ADARB2: variants seen among roughly 807,000 people sequenced by gnomAD.
ADARB2 encodes the protein inactive double-stranded RNA-specific editase B2.
In ADARB2, 25 loss-of-function variants were observed where a neutral mutation model predicts 62.2. The ratio of observed to expected loss-of-function variants is 0.40; its 90% confidence interval spans 0.29 to 0.56. The LOEUF is 0.56. Ranked by LOEUF, ADARB2 falls within the 20% of genes least tolerant of loss-of-function variation. The pLI is 0.43. For missense variants in ADARB2, 1,071 were observed against 1,077.4 expected (o/e 0.99, Z 0.08); for synonymous variants, 572 against 500.8 (o/e 1.14, Z -1.90).
chr10:1,637,239 G>GGA (rs1833928037), intron 1 of ADARB2, among the ~76,000 whole-genome samples: 1 of 143,276 alleles, frequency 7.0e-6, no homozygotes, highest in Non-Finnish European at 1.6e-5. Context: ...CCGTGATGAT[G>GGA]TAAATCCTGT....
At chr10:1,457,508 T>C (rs1175554472) in intron 1 of ADARB2, among the ~76,000 whole-genome samples, 1 of 152,178 alleles carries the variant, frequency 6.6e-6, no homozygotes, top group East Asian at 1.9e-4. Flanking sequence ...GTCTCTGCTA[T>C]GACTCGGGAA....
chr10:1,294,654 G>A (rs1415660138), intron 3 of ADARB2, among the ~76,000 whole-genome samples: 1 of 152,162 alleles, frequency 6.6e-6, no homozygotes, highest in Non-Finnish European at 1.5e-5. Context: ...ACACTGCCTT[G>A]CCTTTCTGTT....
rs1052959846 is a variant in ADARB2 at position 1,200,751 on chromosome 10, A to AT, written c.1683-605dup. ...AAGCAAAAATGCCAAGAGCACTGAC[A>AT]TTTTTTCCCCTTAAATTTGGGTGGC... is the stretch of plus-strand genomic sequence containing the variant. On this transcript the variant is annotated intron_variant, in intron 7 of 9. Transcript: ENST00000381312. 5.3e-5 allele frequency among the ~76,000 whole-genome samples: 8 copies of AT among 152,028 alleles called. No individual in the cohort carries two copies. The South Asian group carries it at 8.3e-4, about 16-fold the overall frequency.
At chr10:1,694,106 T>C (rs1267963239) in intron 1 of ADARB2, among the ~76,000 whole-genome samples, 2 of 152,248 alleles carry the variant, frequency 1.3e-5, no homozygotes, top group African/African-American at 4.8e-5. Flanking sequence ...GTTTTCATCA[T>C]GTAATTTTTC....
chr10:1,442,814 G>A (rs1394595858), intron 1 of ADARB2, among the ~76,000 whole-genome samples: 1 of 152,124 alleles, frequency 6.6e-6, no homozygotes, highest in Admixed American at 6.6e-5. Context: ...TTCTGACCCA[G>A]TATAAAATAA....
chr10:1,354,185 C>T (rs11250444), intron 3 of ADARB2, among the ~76,000 whole-genome samples: 41,881 of 151,990 alleles, frequency 0.28, 6,757 homozygotes, highest in East Asian at 0.56. Context: ...ACCACTATTT[C>T]GTTCTATTTT....
chr10:1,283,162 C>T (rs1346171116), intron 3 of ADARB2, among the ~76,000 whole-genome samples: 1 of 152,178 alleles, frequency 6.6e-6, no homozygotes, highest in Non-Finnish European at 1.5e-5. Flanking sequence ...TGTGTCCTTT[C>T]CTGGCATAAT....
At chr10:1,667,945 G>C (rs1012641194) in intron 1 of ADARB2, among the ~76,000 whole-genome samples, 3 of 152,172 alleles carry the variant, frequency 2.0e-5, no homozygotes, top group African/African-American at 7.2e-5. Context: ...AAGCCTTGTT[G>C]GGAATATGTT....
chr10:1,362,076 A>G (rs1248720354), intron 3 of ADARB2, among the ~76,000 whole-genome samples: 1 of 152,250 alleles, frequency 6.6e-6, no homozygotes, highest in Non-Finnish European at 1.5e-5. Flanking sequence ...TTTCTGACAG[A>G]TAGGAGGCAG....
chr10:1,405,197 A>G, intron 1 of ADARB2, among the ~76,000 whole-genome samples: 1 of 152,206 alleles, frequency 6.6e-6, no homozygotes, highest in East Asian at 1.9e-4. Flanking sequence ...CTCAGTGCTA[A>G]GGAGAATTCA....
intron 3 of ADARB2, among the ~76,000 whole-genome samples, chr10:1,323,531 AAGG>A: frequency 6.6e-6 from 1 of 152,222 alleles, no homozygotes; most frequent in Middle Eastern, 3.2e-3. Context: ...CTTTAAGAAA[AAGG>A]AGAATAAAGT....
At chr10:1,661,682 C>T (rs923542602) in intron 1 of ADARB2, among the ~76,000 whole-genome samples, 11 of 152,142 alleles carry the variant, frequency 7.2e-5, no homozygotes, top group Non-Finnish European at 1.6e-4. Context: ...CGGCATTCAC[C>T]GAGCAGACAG....
intron 1 of ADARB2, among the ~76,000 whole-genome samples, chr10:1,512,655 C>A (rs143757950): frequency 6.6e-6 from 1 of 152,226 alleles, no homozygotes; most frequent in Non-Finnish European, 1.5e-5. Flanking sequence ...CAAATTATTT[C>A]CCTCCAAGTT....
intron 1 of ADARB2, among the ~76,000 whole-genome samples, chr10:1,633,795 T>C (rs983626845): frequency 1.3e-5 from 2 of 152,180 alleles, no homozygotes; most frequent in Non-Finnish European, 2.9e-5. Flanking sequence ...TCCTGGGCTC[T>C]CCCTGAGGGT....
chr10:1,328,724 C>T (rs916571165), intron 3 of ADARB2, among the ~76,000 whole-genome samples: 1 of 152,094 alleles, frequency 6.6e-6, no homozygotes, highest in East Asian at 1.9e-4. Flanking sequence ...AGCGTAGTGG[C>T]TCATATCTGT....
intron 3 of ADARB2, among the ~76,000 whole-genome samples, chr10:1,327,463 T>G (rs111857104): frequency 4.0e-5 from 2 of 49,638 alleles, no homozygotes; most frequent in Non-Finnish European, 7.4e-5. Context: ...CAGCGCCTCC[T>G]CACTGCACAG....
intron 1 of ADARB2, among the ~76,000 whole-genome samples, chr10:1,645,092 G>A (rs1303699802): frequency 6.6e-6 from 1 of 152,246 alleles, no homozygotes; most frequent in Non-Finnish European, 1.5e-5. Context: ...TGTCAGAGAG[G>A]AGAATCAGTG....
chr10:1,470,324 G>A (rs1239013477), intron 1 of ADARB2, among the ~76,000 whole-genome samples: 1 of 152,218 alleles, frequency 6.6e-6, no homozygotes, highest in African/African-American at 2.4e-5. Context: ...TAGTCCAACT[G>A]CAGTACACAC....
At chr10:1,384,587 G>A (rs754426108) in intron 1 of ADARB2, among the ~76,000 whole-genome samples, 4 of 152,230 alleles carry the variant, frequency 2.6e-5, no homozygotes, top group Non-Finnish European at 5.9e-5. Context: ...TTGGATGCCA[G>A]GCAGTGCGTG....
Sources: allele counts gnomAD v4.1 joint callset (sites outside exome capture counted in the v4.1 genomes callset), GRCh38; gene constraint gnomAD v4.1.1; transcripts MANE v1.5; gene names NCBI Gene and HGNC (gene_info 2026-07-23, HGNC 2026-07-21).